The following BUB1 variants were observed in gnomAD, a reference collection of about 807,000 sequenced individuals.
The protein encoded by BUB1 is BUB1 mitotic checkpoint serine/threonine kinase.
In BUB1, 84 loss-of-function variants were observed where a neutral mutation model predicts 135.2. That is an observed-to-expected ratio of 0.62 (90% CI 0.52 to 0.74). The LOEUF (loss-of-function observed/expected upper bound fraction) is 0.74, where lower values mean the gene tolerates loss of function less well. Among genes scored for constraint, BUB1 ranks in the 30% least tolerant of loss-of-function variants. The probability of loss-of-function intolerance (pLI) is 0.00; values close to 1 mark genes in which losing one functional copy is unlikely to be tolerated. For missense variants in BUB1, 1,162 were observed against 1,288.3 expected (o/e 0.90, Z 1.50); for synonymous variants, 403 against 434.4 (o/e 0.93, Z 0.90).
intron 10 of BUB1, chr2:110,660,904 G>A (rs1574327684): frequency 6.6e-6 from 1 of 152,158 alleles, no homozygotes. Context: ...TTGGGGTAGT[G>A]GATCTAACAT....
chr2:110,676,341 T>A lies in BUB1; in HGVS notation c.26+1629A>T, dbSNP rs78719145. On this transcript the variant is annotated intron_variant, in intron 1 of 24. Transcript: ENST00000302759. ...ATCAGATTGGCAAAACTAAAAAACA[T>A]GTGAAAAGATTGTGTAGGTGCAGCA... Among the ~76,000 whole-genome samples the A allele has an allele frequency of 3.8e-3, 577 of 152,262 alleles. 8 individuals carry two copies. The highest frequency in any genetic ancestry group is 0.013 in the African/African-American group (560 of 41,554).
At position 110,667,689 on chromosome 2, in the gene BUB1, T is replaced by C; in HGVS notation, c.637A>G (p.Thr213Ala). ...KESNMERRVI[T>A]ISKSEYSVHS... is the part of the protein sequence containing the mutation. Reference sequence around the variant, plus strand: ...ACAGAATATTCTGATTTAGAAATCGTGATCACTCTTCGTTCCCTACAATGG... The same window carrying C: ...ACAGAATATTCTGATTTAGAAATCGCGATCACTCTTCGTTCCCTACAATGG... The change falls in exon 8 of 25, where the codon ACG becomes GCG. Residue 213 changes from threonine (T) to alanine (A), a missense_variant. By Grantham distance (58) the Thr-to-Ala change is moderately conservative. Transcript: ENST00000302759. 1 of 1,613,190 alleles carries C rather than the reference T, an allele frequency of 6.2e-7. No homozygotes were observed. The highest frequency in any genetic ancestry group is 1.1e-5 in the South Asian group (1 of 90,734).
intron 18 of BUB1, among the ~76,000 whole-genome samples, chr2:110,649,652 A>T (rs1433888728): frequency 3.3e-5 from 5 of 152,186 alleles, no homozygotes; most frequent in Non-Finnish European, 5.9e-5. Flanking sequence ...GCTCCACTCA[A>T]CTGGAACGGC....
At chr2:110,647,971 A>C (rs1049029983) in intron 19 of BUB1, among the ~76,000 whole-genome samples, 2 of 152,202 alleles carry the variant, frequency 1.3e-5, no homozygotes, top group Non-Finnish European at 2.9e-5. Flanking sequence ...TGGTACAGTC[A>C]CTTTGGAAGT....
In BUB1 at chr2:110,637,899, A is replaced by G; in HGVS notation, c.*65T>C. On this transcript the variant is annotated 3_prime_UTR_variant, in exon 25 of 25. Coordinates refer to ENST00000302759, the MANE Select transcript of BUB1 (RefSeq NM_004336.5). ...TACATAAACAATAAATGAAAAAAAA[A>G]CAGGTTTAAAGTGAGCAGATTCATA... is the stretch of plus-strand genomic sequence containing the variant. 1 of 1,112,230 alleles carries G rather than the reference A, an allele frequency of 9.0e-7. No homozygotes were observed. The highest frequency in any genetic ancestry group is 1.2e-6 in the Non-Finnish European group (1 of 827,692). 68.9% of individuals were successfully genotyped at this position (1,112,230 alleles called of 1,614,324 possible). A position where few individuals can be genotyped will look rare whatever the true frequency, so the allele number is the denominator to read the frequency against.
At position 110,667,505 on chromosome 2, in the gene BUB1, A is replaced by G. The variant is rs764395758; in HGVS notation, c.805+16T>C. ...ATGTGACATAAGAATAACTAAAAAT[A>G]CAAGATTGCAAGTACCCCATTGCTC... On this transcript the variant is annotated intron_variant, in intron 8 of 24. Transcript: ENST00000302759. 21 of 1,589,584 alleles carry G rather than the reference A, an allele frequency of 1.3e-5. No homozygotes were observed. Among genetic ancestry groups the G allele is most frequent in the Admixed American group, 1.9e-5 (1 of 53,154 alleles).
At chr2:110,651,604 G>A (rs1414404382) in intron 17 of BUB1, among the ~76,000 whole-genome samples, 2 of 152,038 alleles carry the variant, frequency 1.3e-5, no homozygotes, top group African/African-American at 2.4e-5. Flanking sequence ...CCTAACTATA[G>A]TGTTTCTGAA....
chr2:110,666,795 ACTTT>A (rs1454556674), intron 8 of BUB1, among the ~76,000 whole-genome samples: 1 of 152,150 alleles, frequency 6.6e-6, no homozygotes, highest in African/African-American at 2.4e-5. Flanking sequence ...ATTTCTAGAG[ACTTT>A]CTAAGTAGAA....
chr2:110,669,112 C>T (rs546379569), intron 6 of BUB1, among the ~76,000 whole-genome samples: 1 of 152,242 alleles, frequency 6.6e-6, no homozygotes, highest in East Asian at 1.9e-4. Context: ...CTCAGAAGCC[C>T]CCAGGTGGAT....
intron 19 of BUB1, among the ~76,000 whole-genome samples, chr2:110,647,677 T>C (rs1689678619): frequency 6.6e-6 from 1 of 152,158 alleles, no homozygotes; most frequent in Non-Finnish European, 1.5e-5. Flanking sequence ...TGTAGATGCT[T>C]TCCCCCTAAG....
In BUB1 at chr2:110,672,961, T is replaced by C; in HGVS notation, c.226-104A>G. On this transcript the variant is annotated intron_variant, in intron 3 of 24. Transcript: ENST00000302759. ...CTGGGAGCCCCTAGGTAGCTTCGGA[T>C]GGGAGCTGGTCATCAGCAAAACCAA... The C allele has an allele frequency of 4.3e-6, 5 of 1,175,434 alleles. No homozygotes were observed. The South Asian group carries it at 8.9e-5, about 21-fold the overall frequency. The allele number at this position is 1,175,434 out of a possible 1,614,324, so 72.8% of individuals were successfully genotyped here. A position where few individuals can be genotyped will look rare whatever the true frequency, so the allele number is the denominator to read the frequency against.
intron 15 of BUB1, 39 bp downstream of exon 15, chr2:110,656,997 T>A (rs755020121): frequency 1.3e-6 from 2 of 1,521,576 alleles, no homozygotes; most frequent in South Asian, 2.3e-5. Context: ...AGCGGATGGG[T>A]TGTAGGACCC....
chr2:110,642,286 G>T, intron 19 of BUB1, 52 bp from the exon 20 acceptor site: 1 of 1,257,312 alleles, frequency 8.0e-7, no homozygotes, highest in Non-Finnish European at 1.1e-6. Context: ...ATTTTAAATA[G>T]TTTTCAATTT....
rs1243438726 is a variant in BUB1 at position 110,662,089 on chromosome 2, C to T, written c.958-248G>A. ...ATCAGCAGCTTATAATTTCTAACCA[C>T]TGAAATAACAAGTCTCTATAGTTGT... On this transcript the variant is annotated intron_variant, in intron 9 of 24. Coordinates refer to ENST00000302759, the MANE Select transcript of BUB1 (RefSeq NM_004336.5). 19 of 461,824 alleles carry T rather than the reference C, an allele frequency of 4.1e-5. 1 individual carries two copies. In the East Asian group the frequency reaches 6.6e-4, roughly 16 times the overall value. The allele number at this position is 461,824 out of a possible 1,614,324, so 28.6% of individuals were successfully genotyped here.
At chr2:110,642,294 T>C in intron 19 of BUB1, 60 bp from the exon 20 acceptor site, 1 of 1,204,700 alleles carries the variant, frequency 8.3e-7, no homozygotes, top group Non-Finnish European at 1.2e-6. Flanking sequence ...TAGTTTTCAA[T>C]TTACAAAGAA....
At position 110,667,421 on chromosome 2, in the gene BUB1, C is replaced by T. The variant is rs1224701449; in HGVS notation, c.805+100G>A. On this transcript the variant is annotated intron_variant, in intron 8 of 24. Transcript: ENST00000302759. ...GATGAGATGAAGACTTTCTTGCAGT[C>T]TTTCAACATAGTCAATTATTCTTTA... The T allele has an allele frequency of 3.2e-6, 4 of 1,233,430 alleles. No individual in the cohort carries two copies. In the East Asian group the frequency reaches 9.8e-5, roughly 30 times the overall value. 76.4% of individuals were successfully genotyped at this position (1,233,430 alleles called of 1,614,324 possible).
At position 110,658,403 on chromosome 2, in the gene BUB1, T is replaced by C; in HGVS notation, c.1516+7A>G. The C allele has an allele frequency of 6.2e-7, 1 of 1,601,116 alleles. No individual in the cohort carries two copies. The highest frequency in any genetic ancestry group is 1.1e-5 in the South Asian group (1 of 90,292). On this transcript the variant is annotated splice_region_variant and intron_variant, in intron 13 of 24. Coordinates refer to ENST00000302759, the MANE Select transcript of BUB1 (RefSeq NM_004336.5). ...TATGCACTTAGTAGCTTTTAAATAGTTATTACTTTGAAACTGGGCTTCAAA... is the reference window on the plus strand; with the variant it reads ...TATGCACTTAGTAGCTTTTAAATAGCTATTACTTTGAAACTGGGCTTCAAA...
At chr2:110,669,431 A>C (rs1177032787) in intron 6 of BUB1, 22 bp downstream of exon 6, 1 of 1,522,978 alleles carries the variant, frequency 6.6e-7, no homozygotes, top group Non-Finnish European at 9.1e-7. Context: ...GTTTCCACAC[A>C]AGCTACAAAT....
chr2:110,671,649 CTT>C (rs1047073187), intron 4 of BUB1, among the ~76,000 whole-genome samples: 2 of 152,116 alleles, frequency 1.3e-5, no homozygotes, highest in African/African-American at 4.8e-5. Flanking sequence ...TTCATATACT[CTT>C]TGACTCAATA....
Sources: gnomAD v4.1 joint callset for allele counts (sites outside exome capture counted in the v4.1 genomes callset) on GRCh38, gnomAD v4.1.1 for gene constraint, MANE v1.5 for transcripts, NCBI Gene and HGNC (gene_info 2026-07-23, HGNC 2026-07-21) for gene names.